Variants in CSMD3 observed in about 807,000 individuals in gnomAD.
The protein encoded by CSMD3 is CUB and Sushi multiple domains 3.
In CSMD3, 177 loss-of-function variants were observed where a neutral mutation model predicts 435.2. The ratio of observed to expected loss-of-function variants is 0.41; its 90% CI spans 0.36 to 0.46. CSMD3 has a LOEUF of 0.46. Among genes scored for constraint, CSMD3 ranks in the 20% least tolerant of loss-of-function variants. The probability of loss-of-function intolerance (pLI) is 0.34; values close to 1 mark genes in which losing one functional copy is unlikely to be tolerated. For synonymous variants in CSMD3, 1,656 were observed against 1,520.5 expected (o/e 1.09, Z -2.07); for missense variants, 4,265 against 4,504.6 (o/e 0.95, Z 1.52).
chr8:112,280,707 A>T (rs951940196), intron 59 of CSMD3, among the ~76,000 whole-genome samples: 1 of 152,138 alleles, frequency 6.6e-6, no homozygotes, highest in Non-Finnish European at 1.5e-5. Context: ...CAGAATCTCC[A>T]AAGTGCCATC....
rs376894580 is a variant in CSMD3, at chr8:113,086,093, C to CAAAA, written c.917+12659_917+12662dup. On this transcript the variant is annotated intron_variant, in intron 5 of 70. Coordinates refer to ENST00000297405, the MANE Select transcript of CSMD3 (RefSeq NM_198123.2). The stretch of plus-strand genomic sequence containing the variant: ...TCTACTAAAAATAAACACACACACA[C>CAAAA]AAAAATTAGCCAGGCGTGGGTGGCG... 1.8e-4 allele frequency among the ~76,000 whole-genome samples: 28 copies of CAAAA among 151,470 alleles called. No individual in the cohort carries two copies. The South Asian group carries it at 5.6e-3, about 30-fold the overall frequency.
chr8:112,507,514 T>A (rs988671684), intron 28 of CSMD3, among the ~76,000 whole-genome samples: 2 of 152,094 alleles, frequency 1.3e-5, no homozygotes, highest in African/African-American at 4.8e-5. Context: ...TACAAATAAA[T>A]ACACACACCC....
At chr8:113,188,352 G>T (rs2092538793) in intron 3 of CSMD3, among the ~76,000 whole-genome samples, 1 of 151,926 alleles carries the variant, frequency 6.6e-6, no homozygotes, top group South Asian at 2.1e-4. Flanking sequence ...TTTGGTTAAA[G>T]AATTGTTTTA....
chr8:112,859,658 A>G (rs1024786931), intron 10 of CSMD3, among the ~76,000 whole-genome samples: 3 of 151,826 alleles, frequency 2.0e-5, no homozygotes, highest in African/African-American at 7.2e-5. Flanking sequence ...GTGTTTATTA[A>G]GTACCCTAGG....
intron 1 of CSMD3, among the ~76,000 whole-genome samples, chr8:113,392,926 CTT>C (rs1377253154): frequency 6.8e-6 from 1 of 147,060 alleles, no homozygotes; most frequent in African/African-American, 2.5e-5. Flanking sequence ...TAAATATACT[CTT>C]CTCTCTGCAT....
At chr8:113,405,165 T>C (rs2129684437) in intron 1 of CSMD3, among the ~76,000 whole-genome samples, 1 of 151,710 alleles carries the variant, frequency 6.6e-6, no homozygotes, top group East Asian at 1.9e-4. Context: ...AGTATTGTCA[T>C]ATATGTATCC....
intron 3 of CSMD3, among the ~76,000 whole-genome samples, chr8:113,218,850 T>C (rs149321313): frequency 7.9e-5 from 12 of 151,412 alleles, no homozygotes; most frequent in Non-Finnish European, 1.6e-4. Flanking sequence ...TAATGAGATA[T>C]CTTGGGGATG....
At chr8:112,685,127 G>C (rs137991457) in intron 15 of CSMD3, among the ~76,000 whole-genome samples, 176 of 152,168 alleles carry the variant, frequency 1.2e-3, no homozygotes, top group African/African-American at 4.1e-3. Context: ...TATGTTGGCT[G>C]ATATAACAAT....
intron 35 of CSMD3, among the ~76,000 whole-genome samples, chr8:112,395,397 CATGG>C (rs1830776584): frequency 6.6e-6 from 1 of 152,018 alleles, no homozygotes; most frequent in African/African-American, 2.4e-5. Flanking sequence ...ATAACTTTTT[CATGG>C]ATGAATGGAT....
chr8:113,080,871 C>A (rs184428009), intron 5 of CSMD3, among the ~76,000 whole-genome samples: 1 of 152,214 alleles, frequency 6.6e-6, no homozygotes, highest in Non-Finnish European at 1.5e-5. Flanking sequence ...TTCATGTATG[C>A]CATTATTCCT....
intron 12 of CSMD3, among the ~76,000 whole-genome samples, chr8:112,813,016 G>A (rs1046904252): frequency 6.6e-6 from 1 of 152,100 alleles, no homozygotes; most frequent in African/African-American, 2.4e-5. Flanking sequence ...AAATGTTGTA[G>A]AAAAAAACGA....
intron 1 of CSMD3, among the ~76,000 whole-genome samples, chr8:113,434,101 G>T (rs985465615): frequency 2.0e-5 from 3 of 152,202 alleles, no homozygotes; most frequent in Non-Finnish European, 4.4e-5. Flanking sequence ...ACTCCGAGGC[G>T]TTTCCTCCCA....
rs985912952 is a variant in CSMD3 at position 112,289,257 on chromosome 8, A to T, written c.9148+108T>A. The stretch of plus-strand genomic sequence containing the variant: ...CAGCTTTTCTTATGAGATTTTTCAG[A>T]GAGAAATATATTTTAAGTCTTTAGA... On this transcript the variant is annotated intron_variant, in intron 57 of 70. Transcript: ENST00000297405. 1.0e-5 allele frequency: 10 copies of T among 957,992 alleles called. No individual in the cohort carries two copies. In the African/African-American group the frequency reaches 1.4e-4, roughly 14 times the overall value. 59.3% of individuals were successfully genotyped at this position (957,992 alleles called of 1,614,324 possible).
At chr8:112,997,430 T>C (rs960881111) in intron 6 of CSMD3, among the ~76,000 whole-genome samples, 3 of 151,660 alleles carry the variant, frequency 2.0e-5, no homozygotes, top group African/African-American at 4.8e-5. Context: ...ATACCTGTTT[T>C]CTCAATGCAA....
chr8:113,039,510 T>C (rs928196013), intron 5 of CSMD3, among the ~76,000 whole-genome samples: 4 of 152,182 alleles, frequency 2.6e-5, no homozygotes. Flanking sequence ...CATTTATTTA[T>C]ATAAAACATT....
intron 4 of CSMD3, among the ~76,000 whole-genome samples, chr8:113,116,693 G>C (rs192862588): frequency 6.6e-6 from 1 of 152,134 alleles, no homozygotes; most frequent in Non-Finnish European, 1.5e-5. Flanking sequence ...GACTTAGAGA[G>C]GGCTCAGAAA....
At chr8:112,490,905 T>C (rs1820624094) in intron 31 of CSMD3, among the ~76,000 whole-genome samples, 1 of 152,164 alleles carries the variant, frequency 6.6e-6, no homozygotes, top group African/African-American at 2.4e-5. Flanking sequence ...TTTGGAACAA[T>C]TAATCCCAAA....
chr8:113,342,361 A>C (rs1474886697), intron 1 of CSMD3, among the ~76,000 whole-genome samples: 1 of 152,186 alleles, frequency 6.6e-6, no homozygotes, highest in Non-Finnish European at 1.5e-5. Context: ...AATAGACGTT[A>C]TAGCTGAAAA....
intron 13 of CSMD3, among the ~76,000 whole-genome samples, chr8:112,781,841 A>G (rs771642722): frequency 6.6e-6 from 1 of 152,170 alleles, no homozygotes; most frequent in South Asian, 2.1e-4. Flanking sequence ...CAGTATCTCC[A>G]TAAGACTGCA....
Sources: gnomAD v4.1 joint callset for allele counts (sites outside exome capture counted in the v4.1 genomes callset) on GRCh38, gnomAD v4.1.1 for gene constraint, MANE v1.5 for transcripts, NCBI Gene and HGNC (gene_info 2026-07-23, HGNC 2026-07-21) for gene names.